Variants in USP32 observed in about 807,000 individuals in gnomAD.
The protein encoded by USP32 is ubiquitin carboxyl-terminal hydrolase 32.
USP32 carries 59 observed loss-of-function variants against 204.8 expected under a neutral mutation model. The ratio of observed to expected loss-of-function variants is 0.29; its 90% CI spans 0.23 to 0.36. USP32 has a LOEUF of 0.36. USP32 is among the 10% of genes least tolerant of loss of function. USP32 has a pLI of 1.00. For missense variants in USP32, 1,160 were observed against 1,946.4 expected, an observed-to-expected ratio of 0.60 and a Z score of 7.60; for synonymous variants, 517 against 678.4, an observed-to-expected ratio of 0.76 and a Z score of 3.70.
At position 60,178,473 on chromosome 17, in the gene USP32, G is replaced by A. The variant is rs1171724638; in HGVS notation, c.*782C>T. ...GAATACATTTCTGAGGATACTTGAA[G>A]TATCCTAAATGTAAGATGCCTCCAC... is the stretch of plus-strand genomic sequence containing the variant. On this transcript the variant is annotated 3_prime_UTR_variant, in exon 34 of 34. Transcript: ENST00000300896. Among the ~76,000 whole-genome samples the A allele has an allele frequency of 6.6e-6, 1 of 152,174 alleles. No homozygotes were observed. Among genetic ancestry groups the A allele is most frequent in the Non-Finnish European group, 1.5e-5 (1 of 68,034 alleles).
chr17:60,184,964 A>G (rs912722949), intron 30 of USP32, among the ~76,000 whole-genome samples: 2 of 152,234 alleles, frequency 1.3e-5, no homozygotes, highest in African/African-American at 4.8e-5. Flanking sequence ...AGAAGGCAGA[A>G]GTAAATTAAA....
At chr17:60,297,689 C>G (rs1197856769) in intron 3 of USP32, among the ~76,000 whole-genome samples, 1 of 152,116 alleles carries the variant, frequency 6.6e-6, no homozygotes, top group Admixed American at 6.5e-5. Context: ...GATCCACATG[C>G]CTCAGCCTCC....
At chr17:60,190,855 TA>T (rs1480682613) in intron 28 of USP32, among the ~76,000 whole-genome samples, 172 bp from the exon 29 acceptor site, 1 of 152,232 alleles carries the variant, frequency 6.6e-6, no homozygotes, top group African/African-American at 2.4e-5. Context: ...TATTAATAAT[TA>T]GTACAGTTTC....
intron 9 of USP32, among the ~76,000 whole-genome samples, chr17:60,264,857 CAAAAAAAAAAAAAAAAA>C (rs34027846): frequency 2.5e-4 from 11 of 43,514 alleles, no homozygotes; most frequent in Admixed American, 1.1e-3. Context: ...AAGACTCTGT[CAAAAAAAAAAAAAAAAA>C]AAAAAAAAGA....
At chr17:60,419,811 A>T (rs1457517959) in intron 1 of USP32, among the ~76,000 whole-genome samples, 1 of 118,366 alleles carries the variant, frequency 8.4e-6, no homozygotes, top group East Asian at 2.4e-4. Flanking sequence ...ACTCAAGGTT[A>T]AAAAAAATTA....
At chr17:60,294,531 C>A in intron 4 of USP32, 152 bp downstream of exon 4, 2 of 511,062 alleles carry the variant, frequency 3.9e-6, no homozygotes, top group African/African-American at 2.0e-5. Flanking sequence ...GAGAGTCATG[C>A]AATAGCACAT....
In USP32 at chr17:60,335,210, G is replaced by A. The variant is rs529118608; in HGVS notation, c.186+10271C>T. ...GCTGGTCTTAAACTCCTGGGCTCAAGCAATCCTTGAGATTCCGAAAAGTGG... is the reference window on the plus strand; with the variant it reads ...GCTGGTCTTAAACTCCTGGGCTCAAACAATCCTTGAGATTCCGAAAAGTGG... On this transcript the variant is annotated intron_variant, in intron 2 of 33. Coordinates refer to ENST00000300896, the MANE Select transcript of USP32 (RefSeq NM_032582.4). 7.4e-4 allele frequency among the ~76,000 whole-genome samples: 105 copies of A among 142,156 alleles called. 24 individuals are homozygous for A. The highest frequency in any genetic ancestry group is 2.9e-3 in the African/African-American group (94 of 32,870). The allele number at this position is 142,156 out of a possible 152,430, so 93.3% of individuals were successfully genotyped here. A position where few individuals can be genotyped will look rare whatever the true frequency, so the allele number is the denominator to read the frequency against.
intron 29 of USP32, 53 bp from the exon 30 acceptor site, chr17:60,185,704 G>A (rs2084233618): frequency 3.2e-6 from 5 of 1,564,604 alleles, no homozygotes; most frequent in South Asian, 1.2e-5. Context: ...CATTTAAAGT[G>A]GTGATCTAGG....
chr17:60,366,030 T>G (rs2089305078), intron 1 of USP32, among the ~76,000 whole-genome samples: 1 of 152,168 alleles, frequency 6.6e-6, no homozygotes, highest in Non-Finnish European at 1.5e-5. Flanking sequence ...CAGGCTGGAG[T>G]GCAATGGCGC....
chr17:60,230,830 G>A (rs1483460660), intron 12 of USP32, among the ~76,000 whole-genome samples: 1 of 152,136 alleles, frequency 6.6e-6, no homozygotes, highest in Non-Finnish European at 1.5e-5. Flanking sequence ...CCTTCTATAA[G>A]ATGAACAAAC....
At chr17:60,224,296 G>A (rs896158220) in intron 13 of USP32, among the ~76,000 whole-genome samples, 1 of 152,174 alleles carries the variant, frequency 6.6e-6, no homozygotes, top group African/African-American at 2.4e-5. Context: ...ATACCAAACA[G>A]GATCTTTAGA....
intron 1 of USP32, among the ~76,000 whole-genome samples, chr17:60,402,268 T>TA (rs2089942244): frequency 7.3e-6 from 1 of 137,510 alleles, no homozygotes. Context: ...TTTTTTTTTT[T>TA]AATACAGAGT....
chr17:60,310,623 C>T (rs1316851370), intron 2 of USP32, among the ~76,000 whole-genome samples: 4 of 151,832 alleles, frequency 2.6e-5, no homozygotes, highest in African/African-American at 7.3e-5. Flanking sequence ...CACTTGAACC[C>T]GGGAGGCGGA....
At chr17:60,355,830 CA>C (rs1194639113) in intron 1 of USP32, among the ~76,000 whole-genome samples, 397 of 22,652 alleles carry the variant, frequency 0.018, no homozygotes, top group African/African-American at 0.034. Context: ...CTCACTCTCT[CA>C]AAAAAAAAAA....
At chr17:60,314,662 T>G (rs1384616401) in intron 2 of USP32, among the ~76,000 whole-genome samples, 1 of 151,686 alleles carries the variant, frequency 6.6e-6, no homozygotes, top group Non-Finnish European at 1.5e-5. Context: ...AAGGGAAGGG[T>G]GAACAGAAAC....
At chr17:60,198,876 G>A (rs58521002) in intron 26 of USP32, among the ~76,000 whole-genome samples, 3,212 of 152,304 alleles carry the variant, frequency 0.021, 134 homozygotes, top group African/African-American at 0.073. Flanking sequence ...CACTTTGGAA[G>A]GCTGAGGCAA....
intron 16 of USP32, among the ~76,000 whole-genome samples, chr17:60,218,778 T>C (rs1220646759): frequency 1.3e-4 from 20 of 152,152 alleles, no homozygotes; most frequent in Non-Finnish European, 7.3e-5. Context: ...TTTGTGTTTT[T>C]AGTAGAGACA....
intron 2 of USP32, among the ~76,000 whole-genome samples, chr17:60,330,663 CA>C (rs2088358306): frequency 6.6e-6 from 1 of 152,048 alleles, no homozygotes; most frequent in Admixed American, 6.6e-5. Flanking sequence ...CCTCCAGCCT[CA>C]GCCTCCCGAG....
rs1172056606 is a variant in USP32, at chr17:60,326,947, T to C, written c.186+18534A>G. Among the ~76,000 whole-genome samples the C allele has an allele frequency of 3.4e-5, 5 of 146,312 alleles. No individual in the cohort carries two copies. In the East Asian group the frequency reaches 6.1e-4, roughly 18 times the overall value. Reference sequence around the variant, plus strand: ...AAGTTGATCTCATAGAAGTAGAGAGTAGAATAGTGGTTACTAGAGGCGAGG... The same window carrying C: ...AAGTTGATCTCATAGAAGTAGAGAGCAGAATAGTGGTTACTAGAGGCGAGG... On this transcript the variant is annotated intron_variant, in intron 2 of 33. Transcript: ENST00000300896.
Sources: gnomAD v4.1 joint callset for allele counts (sites outside exome capture counted in the v4.1 genomes callset) on GRCh38, gnomAD v4.1.1 for gene constraint, MANE v1.5 for transcripts, NCBI Gene and HGNC (gene_info 2026-07-23, HGNC 2026-07-21) for gene names.